Variants in GADL1 observed in about 807,000 individuals in gnomAD.
GADL1 encodes the protein GAD like acidic amino acid decarboxylase 1.
A neutral mutation model predicts 69.5 loss-of-function variants in GADL1; 71 were observed. The observed-to-expected ratio is 1.02, with a 90% CI of 0.84 to 1.25. GADL1 has a LOEUF of 1.25. Ranked by LOEUF, GADL1 falls within the 50% of genes most tolerant of loss-of-function variation. The pLI, the probability that GADL1 is intolerant of heterozygous loss-of-function variation, is 0.00. For missense variants in GADL1, 737 were observed against 631.8 expected, an observed-to-expected ratio of 1.17 and a Z score of -1.79; for synonymous variants, 254 against 214.4, an observed-to-expected ratio of 1.18 and a Z score of -1.62.
intron 11 of GADL1, among the ~76,000 whole-genome samples, chr3:30,812,758 C>T (rs1697386195): frequency 1.3e-5 from 2 of 152,128 alleles, no homozygotes; most frequent in Admixed American, 6.5e-5. Context: ...TGTGATCCTT[C>T]CTCTTCTCAT....
At chr3:30,870,450 A>AG (rs1698464607) in intron 1 of GADL1, among the ~76,000 whole-genome samples, 1 of 151,842 alleles carries the variant, frequency 6.6e-6, no homozygotes. Context: ...AGGGAAAGGA[A>AG]GGGTGAAATT....
intron 12 of GADL1, 98 bp downstream of exon 12, chr3:30,800,791 T>C: frequency 1.0e-6 from 1 of 1,001,186 alleles, no homozygotes; most frequent in Non-Finnish European, 1.5e-6. Flanking sequence ...GGTCTTCCTA[T>C]TACAGACACA....
At chr3:30,881,907 G>C (rs922381303) in intron 1 of GADL1, among the ~76,000 whole-genome samples, 3 of 151,878 alleles carry the variant, frequency 2.0e-5, no homozygotes, top group African/African-American at 7.2e-5. Flanking sequence ...TCCTGTTGCT[G>C]TCTTGCCTGT....
At chr3:30,871,810 G>A (rs900654724) in intron 1 of GADL1, among the ~76,000 whole-genome samples, 3 of 151,672 alleles carry the variant, frequency 2.0e-5, no homozygotes, top group African/African-American at 4.9e-5. Context: ...TCCTCAGAAG[G>A]GAGTCTCTGA....
intron 9 of GADL1, among the ~76,000 whole-genome samples, chr3:30,835,725 G>T (rs572311027): frequency 2.6e-5 from 4 of 152,136 alleles, no homozygotes; most frequent in South Asian, 4.2e-4. Flanking sequence ...TGGACTAAAG[G>T]CTCCATCAAC....
At chr3:30,874,063 G>C (rs764712658) in intron 1 of GADL1, among the ~76,000 whole-genome samples, 17 of 151,948 alleles carry the variant, frequency 1.1e-4, no homozygotes, top group Non-Finnish European at 2.2e-4. Flanking sequence ...GGAGGACACT[G>C]TTACCTGCAA....
chr3:30,771,165 G>A lies in GADL1; in HGVS notation c.1392+7014C>T, dbSNP rs543806625. Among the ~76,000 whole-genome samples, 121 of 152,302 alleles carry A rather than the reference G, an allele frequency of 7.9e-4. 4 individuals are homozygous for A. The South Asian group carries it at 0.023, about 29-fold the overall frequency. The stretch of plus-strand genomic sequence containing the variant: ...TAGAAAAGAGATTGAGCATAAAAGC[G>A]AGAAAAGCACTGAGTATTCCCTGCC... On this transcript the variant is annotated intron_variant, in intron 14 of 14. Coordinates refer to ENST00000282538, the MANE Select transcript of GADL1 (RefSeq NM_207359.3).
At chr3:30,762,815 C>T (rs1459819004) in intron 14 of GADL1, among the ~76,000 whole-genome samples, 1 of 150,604 alleles carries the variant, frequency 6.6e-6, no homozygotes, top group Non-Finnish European at 1.5e-5. Flanking sequence ...TTTTAGATCC[C>T]ACAGATAACT....
At chr3:30,741,190 ATGTG>A (rs60283911) in intron 14 of GADL1, among the ~76,000 whole-genome samples, 69 of 132,624 alleles carry the variant, frequency 5.2e-4, no homozygotes, top group Middle Eastern at 3.9e-3. Flanking sequence ...TTATATAATT[ATGTG>A]TGTGTGTGTG....
Position 30,844,234 on chromosome 3 carries a change from C to T in GADL1, c.762G>A (p.Lys254=). ...CCTCTTTTCTGGCTTGCCAGACTTG[C>T]TTCTCCAGTTCCTCAGGTATCATTT... ...RGKMIPEELE[K]QVWQARKEGA... The change falls in exon 8 of 15, where the codon AAG becomes AAA. Residue 254 remains lysine (K), a synonymous_variant. Transcript: ENST00000282538. 1 of 1,612,742 alleles carries T rather than the reference C, an allele frequency of 6.2e-7. No individual in the cohort carries two copies. Among genetic ancestry groups the T allele is most frequent in the Non-Finnish European group, 8.5e-7 (1 of 1,179,456 alleles).
intron 9 of GADL1, among the ~76,000 whole-genome samples, chr3:30,838,234 T>C (rs1381289324): frequency 4.6e-5 from 7 of 152,046 alleles, no homozygotes; most frequent in African/African-American, 1.7e-4. Context: ...TAACTGCTGG[T>C]TTCACACAAA....
At chr3:30,797,490 A>G (rs139814702) in intron 12 of GADL1, among the ~76,000 whole-genome samples, 22 of 152,278 alleles carry the variant, frequency 1.4e-4, no homozygotes, top group African/African-American at 5.3e-4. Flanking sequence ...AATTCCTTTA[A>G]TCTTTACAGT....
At chr3:30,800,859 AGAG>A (rs772925842) in intron 12 of GADL1, 27 bp downstream of exon 12, 4 of 702,450 alleles carry the variant, frequency 5.7e-6, no homozygotes, top group African/African-American at 6.3e-5. Flanking sequence ...ACAGAAAGAG[AGAG>A]AGAGAGAGAG....
chr3:30,739,274 G>C (rs1298199253), intron 14 of GADL1, among the ~76,000 whole-genome samples: 1 of 152,140 alleles, frequency 6.6e-6, no homozygotes, highest in East Asian at 1.9e-4. Context: ...AGGCTGCCGA[G>C]ACATTCCAAT....
intron 13 of GADL1, among the ~76,000 whole-genome samples, chr3:30,784,208 C>A (rs1696737665): frequency 6.6e-6 from 1 of 152,150 alleles, no homozygotes; most frequent in Non-Finnish European, 1.5e-5. Context: ...ATCTAATAGC[C>A]AGTTCATATT....
At position 30,727,200 on chromosome 3, in the gene GADL1, C is replaced by A. The variant is rs980196746; in HGVS notation, c.*1042G>T. 2.2e-4 allele frequency: 25 copies of A among 115,200 alleles called. No homozygotes were observed. Among genetic ancestry groups the A allele is most frequent in the African/African-American group, 9.4e-4 (25 of 26,562 alleles). 7.1% of individuals were successfully genotyped at this position (115,200 alleles called of 1,614,324 possible). On this transcript the variant is annotated 3_prime_UTR_variant, in exon 15 of 15. Transcript: ENST00000282538. ...TTTCCCAAATTTTTCTTAAAAAGCA[C>A]CCCAGTTCAGGTATCTTGAATAAAG...
At chr3:30,855,655 C>T (rs1161103184) in intron 3 of GADL1, among the ~76,000 whole-genome samples, 2 of 152,052 alleles carry the variant, frequency 1.3e-5, no homozygotes, top group Non-Finnish European at 2.9e-5. Context: ...CTTGGCTTTA[C>T]ACCATGTGAA....
chr3:30,848,930 C>CA (rs1698099258), intron 6 of GADL1, among the ~76,000 whole-genome samples: 1 of 152,138 alleles, frequency 6.6e-6, no homozygotes. Context: ...GACTTTACAG[C>CA]AAGTCCCCCC....
chr3:30,889,084 T>TAAAAAA (rs60227313), intron 1 of GADL1, among the ~76,000 whole-genome samples: 1,647 of 32,892 alleles, frequency 0.05, 274 homozygotes, highest in Admixed American at 0.091. Flanking sequence ...CGGTAATCTA[T>TAAAAAA]AAAAAAAAAA....
Sources: allele counts gnomAD v4.1 joint callset (sites outside exome capture counted in the v4.1 genomes callset), GRCh38; gene constraint gnomAD v4.1.1; transcripts MANE v1.5; gene names NCBI Gene and HGNC (gene_info 2026-07-23, HGNC 2026-07-21).